TMPRSS11F: variants seen among roughly 807,000 people sequenced by gnomAD.
TMPRSS11F encodes the protein transmembrane protease serine 11F.
In TMPRSS11F, 47 loss-of-function variants were observed where a neutral mutation model predicts 60.2. The ratio of observed to expected loss-of-function variants is 0.78; its 90% CI spans 0.62 to 1.00. The LOEUF is 1.00. Among genes scored for constraint, TMPRSS11F ranks in the 50% least tolerant of loss-of-function variants. TMPRSS11F has a pLI of 0.00. For missense variants in TMPRSS11F, 519 were observed against 522.9 expected (o/e 0.99, Z 0.07); for synonymous variants, 166 against 167.3 (o/e 0.99, Z 0.06).
At chr4:68,107,762 C>G (rs1487564848) in intron 1 of TMPRSS11F, among the ~76,000 whole-genome samples, 1 of 152,138 alleles carries the variant, frequency 6.6e-6, no homozygotes, top group Non-Finnish European at 1.5e-5. Context: ...CATGGTGAAA[C>G]CCCATCTCTA....
At position 68,068,748 on chromosome 4, in the gene TMPRSS11F, C is replaced by A; in HGVS notation, c.625G>T (p.Gly209Ter). ...TCCCCTTCCATAGCTGTTTCCCTTC[C>A]TTGGACAATTCTTTGAGTAGAAGAG... ...ASSSTQRIVQ[G>*]RETAMEGEWP... The change falls in exon 7 of 10, where the codon GGA (glycine) becomes TGA (stop). Residue 209 changes from glycine (G) to a stop codon, truncating the protein, a stop_gained. Coordinates refer to ENST00000356291, the MANE Select transcript of TMPRSS11F (RefSeq NM_207407.2). LOFTEE classifies it high-confidence loss of function. 1 of 1,614,226 alleles carries A rather than the reference C, an allele frequency of 6.2e-7. No individual in the cohort carries two copies. Among genetic ancestry groups the A allele is most frequent in the Non-Finnish European group, 8.5e-7 (1 of 1,180,046 alleles).
At chr4:68,123,707 C>A (rs1281984842) in intron 1 of TMPRSS11F, among the ~76,000 whole-genome samples, 1 of 151,944 alleles carries the variant, frequency 6.6e-6, no homozygotes, top group Non-Finnish European at 1.5e-5. Context: ...GCAGTAGGGC[C>A]ACAATGGGAC....
At chr4:68,114,683 TA>T (rs915085474) in intron 1 of TMPRSS11F, among the ~76,000 whole-genome samples, 1 of 151,080 alleles carries the variant, frequency 6.6e-6, no homozygotes, top group African/African-American at 2.4e-5. Flanking sequence ...ACATTATTTT[TA>T]AAAATCGGAC....
At chr4:68,128,228 A>G (rs1443611609) in intron 1 of TMPRSS11F, among the ~76,000 whole-genome samples, 1 of 152,168 alleles carries the variant, frequency 6.6e-6, no homozygotes. Flanking sequence ...TATACACAAG[A>G]TATATTTTTT....
At chr4:68,062,965 C>T in intron 8 of TMPRSS11F, 1 of 734,098 alleles carries the variant, frequency 1.4e-6, no homozygotes, top group Non-Finnish European at 2.5e-6. Context: ...CTGGAACTGA[C>T]CCGTCTTCGA....
At chr4:68,060,251 T>C (rs1283374147) in intron 8 of TMPRSS11F, among the ~76,000 whole-genome samples, 1 of 151,158 alleles carries the variant, frequency 6.6e-6, no homozygotes, top group African/African-American at 2.4e-5. Flanking sequence ...CTCACACCTG[T>C]AATCCCAGTA....
chr4:68,086,847 C>T (rs373262937), intron 3 of TMPRSS11F, among the ~76,000 whole-genome samples: 5 of 152,096 alleles, frequency 3.3e-5, no homozygotes, highest in African/African-American at 1.2e-4. Context: ...CTGAACAGAC[C>T]AATAATGAGT....
At chr4:68,082,198 G>C (rs1723709237) in intron 3 of TMPRSS11F, among the ~76,000 whole-genome samples, 1 of 152,156 alleles carries the variant, frequency 6.6e-6, no homozygotes, top group South Asian at 2.1e-4. Flanking sequence ...GGTGAATGAA[G>C]TGACTGTGAG....
intron 3 of TMPRSS11F, among the ~76,000 whole-genome samples, chr4:68,089,069 A>G (rs1723874303): frequency 1.3e-5 from 2 of 152,126 alleles, no homozygotes; most frequent in Admixed American, 1.3e-4. Context: ...TGAAACTTAC[A>G]CGGAACCAAA....
At chr4:68,103,789 T>C (rs1724242481) in intron 1 of TMPRSS11F, among the ~76,000 whole-genome samples, 1 of 152,202 alleles carries the variant, frequency 6.6e-6, no homozygotes, top group South Asian at 2.1e-4. Context: ...ATTCAGAACA[T>C]AGGATATCTT....
intron 2 of TMPRSS11F, among the ~76,000 whole-genome samples, chr4:68,092,615 TA>T (rs1273658530): frequency 6.6e-6 from 1 of 152,138 alleles, no homozygotes; most frequent in Non-Finnish European, 1.5e-5. Context: ...TAACAAACAC[TA>T]AACTGTCTAA....
chr4:68,067,528 G>T (rs1318390790), intron 7 of TMPRSS11F, among the ~76,000 whole-genome samples: 1 of 138,756 alleles, frequency 7.2e-6, no homozygotes, highest in African/African-American at 2.6e-5. Context: ...AACTAAAATG[G>T]AAGACACTCT....
At chr4:68,057,964 C>T (rs576990219) in intron 9 of TMPRSS11F, among the ~76,000 whole-genome samples, 1 of 152,190 alleles carries the variant, frequency 6.6e-6, no homozygotes, top group Non-Finnish European at 1.5e-5. Flanking sequence ...ATAAGCCAGG[C>T]ACAGAAAGAC....
intron 2 of TMPRSS11F, among the ~76,000 whole-genome samples, chr4:68,093,636 T>C (rs1370435590): frequency 6.6e-6 from 1 of 151,980 alleles, no homozygotes; most frequent in East Asian, 1.9e-4. Flanking sequence ...AGAAAATTTT[T>C]GCAACCTACT....
intron 2 of TMPRSS11F, among the ~76,000 whole-genome samples, chr4:68,091,781 C>G (rs139281810): frequency 8.4e-6 from 1 of 118,692 alleles, no homozygotes; most frequent in African/African-American, 3.6e-5. Flanking sequence ...CTCTCTCTCT[C>G]TCTATCTATC....
chr4:68,061,986 C>A, intron 8 of TMPRSS11F: 1 of 452,950 alleles, frequency 2.2e-6, no homozygotes, highest in Admixed American at 2.4e-5. Context: ...GGAACTGAGG[C>A]ACAATGAAAC....
chr4:68,105,049 G>GTTTTTTTTTTTTT (rs34041075), intron 1 of TMPRSS11F, among the ~76,000 whole-genome samples: 8 of 55,170 alleles, frequency 1.5e-4, no homozygotes, highest in Admixed American at 5.8e-4. Flanking sequence ...TTCCCTCTAG[G>GTTTTTTTTTTTTT]TTTTTTTTTT....
chr4:68,061,307 C>T (rs1723168683), intron 8 of TMPRSS11F, among the ~76,000 whole-genome samples: 1 of 152,098 alleles, frequency 6.6e-6, no homozygotes, highest in African/African-American at 2.4e-5. Context: ...TTTGCAAATA[C>T]AACTTTCAAG....
intron 1 of TMPRSS11F, among the ~76,000 whole-genome samples, chr4:68,101,723 T>C (rs1724193826): frequency 6.6e-6 from 1 of 152,178 alleles, no homozygotes; most frequent in Non-Finnish European, 1.5e-5. Flanking sequence ...ATTGTGCATA[T>C]TTAAAGGATA....
Sources: gnomAD v4.1 joint callset for allele counts (sites outside exome capture counted in the v4.1 genomes callset) on GRCh38, gnomAD v4.1.1 for gene constraint, MANE v1.5 for transcripts, NCBI Gene and HGNC (gene_info 2026-07-23, HGNC 2026-07-21) for gene names.